PPP1R1C: variants seen among roughly 807,000 people sequenced by gnomAD.
PPP1R1C encodes the protein protein phosphatase 1 regulatory inhibitor subunit 1C, also known as protein phosphatase 1 regulatory subunit 1C.
PPP1R1C carries 15 observed loss-of-function variants against 17.4 expected under a neutral mutation model. The ratio of observed to expected loss-of-function variants is 0.86; its 90% CI spans 0.58 to 1.33. The LOEUF (loss-of-function observed/expected upper bound fraction) is 1.33. PPP1R1C is among the 40% of genes most tolerant of loss of function. The pLI, the probability that PPP1R1C is intolerant of heterozygous loss-of-function variation, is 0.00. For missense variants in PPP1R1C, 143 were observed against 130.0 expected, an observed-to-expected ratio of 1.10 and a Z score of -0.48; for synonymous variants, 35 against 43.1, an observed-to-expected ratio of 0.81 and a Z score of 0.73.
chr2:182,023,818 G>A (rs901924691), intron 2 of PPP1R1C: 7 of 151,164 alleles, frequency 4.6e-5, no homozygotes, highest in African/African-American at 1.5e-4. Flanking sequence ...ATTTTTTTTT[G>A]TAGAAACCAG....
At chr2:182,056,692 T>C (rs1361249562) in intron 2 of PPP1R1C, among the ~76,000 whole-genome samples, 1 of 152,186 alleles carries the variant, frequency 6.6e-6, no homozygotes, top group Non-Finnish European at 1.5e-5. Context: ...ATATCCAGAA[T>C]AAATCATTCC....
At chr2:181,981,494 C>T (rs1685193790), upstream of PPP1R1C, among the ~76,000 whole-genome samples, 1 of 152,042 alleles carries the variant, frequency 6.6e-6, no homozygotes. Flanking sequence ...TAATAATTTC[C>T]ATGGGGGAAA....
intron 3 of PPP1R1C, among the ~76,000 whole-genome samples, 161 bp downstream of exon 3, chr2:182,061,640 G>A (rs1437156178): frequency 2.0e-5 from 3 of 152,014 alleles, no homozygotes; most frequent in Non-Finnish European, 2.9e-5. Flanking sequence ...TAAAATCTCT[G>A]CCTCTCAGTT....
In PPP1R1C at chr2:182,066,952, C is replaced by CTG. The variant is rs373990169; in HGVS notation, c.241+3175_241+3176dup. 6.5e-3 allele frequency among the ~76,000 whole-genome samples: 964 copies of CTG among 148,150 alleles called. 8 individuals carry two copies. The highest frequency in any genetic ancestry group is 0.036 in the South Asian group (169 of 4,682). The stretch of plus-strand genomic sequence containing the variant: ...TTCTATCCCAATTTTGTGTGTGTGT[C>CTG]TGTGTGTGTGTGTGTTTGTGTGTGT... On this transcript the variant is annotated intron_variant, in intron 4 of 4. Transcript: ENST00000682840.
chr2:182,051,876 C>T (rs573706070), intron 2 of PPP1R1C, among the ~76,000 whole-genome samples: 1 of 152,184 alleles, frequency 6.6e-6, no homozygotes, highest in African/African-American at 2.4e-5. Flanking sequence ...TGGTGCGCAT[C>T]TGCAATCCCA....
chr2:182,012,409 T>A (rs1029008006), intron 2 of PPP1R1C, among the ~76,000 whole-genome samples: 1 of 152,050 alleles, frequency 6.6e-6, no homozygotes, highest in Non-Finnish European at 1.5e-5. Context: ...TTTTGCCTGA[T>A]ATAAGTACAG....
Position 181,962,387 on chromosome 2 carries a change from C to A in PPP1R1C, n.111+7753C>A, listed in dbSNP as rs1306155857. ...GGCGCCTGCATAGACGCTGGCCATG[C>A]AGCTGGCCGGCCGGGCGCCGTAGTT... is the stretch of plus-strand genomic sequence containing the variant. On this transcript the variant is annotated intron_variant and non_coding_transcript_variant, in intron 1 of 5. Transcript: ENST00000464264. The surrounding 1 kb of genome is among the most constrained non-coding windows in gnomAD (Gnocchi z 6.0). 15 of 808,186 alleles carry A rather than the reference C, an allele frequency of 1.9e-5. No homozygotes were observed. The East Asian group carries it at 3.5e-4, about 19-fold the overall frequency. The allele number at this position is 808,186 out of a possible 1,614,324, so 50.1% of individuals were successfully genotyped here.
chr2:182,060,619 G>A (rs552853502), intron 2 of PPP1R1C, among the ~76,000 whole-genome samples: 3 of 151,602 alleles, frequency 2.0e-5, no homozygotes, highest in South Asian at 4.2e-4. Context: ...CACTTATATA[G>A]CATGTATTTT....
chr2:182,094,996 G>T (rs1358233631), intron 4 of PPP1R1C, among the ~76,000 whole-genome samples: 1 of 152,190 alleles, frequency 6.6e-6, no homozygotes, highest in Non-Finnish European at 1.5e-5. Flanking sequence ...CCCCATTTAA[G>T]AAGTGGCATG....
chr2:182,123,471 A>C (rs1689787945), intron 5 of PPP1R1C, among the ~76,000 whole-genome samples: 2 of 152,318 alleles, frequency 1.3e-5, no homozygotes, highest in South Asian at 4.1e-4. Context: ...TCCCACCAAC[A>C]ATGTAAAAGT....
chr2:182,002,930 T>C (rs36013128), intron 2 of PPP1R1C, among the ~76,000 whole-genome samples: 36,190 of 73,002 alleles, frequency 0.5, 7,175 homozygotes, highest in Non-Finnish European at 0.57. Flanking sequence ...GCCATAAACC[T>C]CCCCCCCCCC....
rs1053815793 is a variant in PPP1R1C at position 181,976,532 on chromosome 2, G to A, written n.157+1268G>A. Among the ~76,000 whole-genome samples, 1 of 151,892 alleles carries A rather than the reference G, an allele frequency of 6.6e-6. No homozygotes were observed. Among genetic ancestry groups the A allele is most frequent in the African/African-American group, 2.4e-5 (1 of 41,362 alleles). On this transcript the variant is annotated intron_variant and non_coding_transcript_variant, in intron 2 of 5. Coordinates refer to the PPP1R1C transcript ENST00000464264. This position sits in a 1 kb window ranked among gnomAD's most constrained non-coding sequence, Gnocchi z 4.8. ...ATCATACCTATAATCTCCTACAAAG[G>A]CTACTGGCCTACTGTTCAGGAATCC...
intron 4 of PPP1R1C, among the ~76,000 whole-genome samples, chr2:182,111,954 A>G (rs981609522): frequency 2.0e-5 from 3 of 152,126 alleles, no homozygotes; most frequent in Non-Finnish European, 2.9e-5. Flanking sequence ...GCTGTTTCCC[A>G]TAATCTAATG....
intron 4 of PPP1R1C, among the ~76,000 whole-genome samples, chr2:182,067,853 A>T (rs569453927): frequency 1.6e-4 from 25 of 152,124 alleles, no homozygotes; most frequent in African/African-American, 5.6e-4. Flanking sequence ...AACAGAGTTT[A>T]TTAGTTTCGG....
intron 2 of PPP1R1C, among the ~76,000 whole-genome samples, chr2:182,003,566 A>T (rs1219720835): frequency 6.6e-6 from 1 of 152,142 alleles, no homozygotes; most frequent in Non-Finnish European, 1.5e-5. Context: ...TAAGTAGAGT[A>T]CAGTTAGGTA....
chr2:181,983,622 A>C (rs575738755), upstream of PPP1R1C, among the ~76,000 whole-genome samples: 1 of 152,328 alleles, frequency 6.6e-6, no homozygotes, highest in Admixed American at 6.5e-5. Flanking sequence ...ATACCTTTTA[A>C]CACAATCTCT....
intron 2 of PPP1R1C, among the ~76,000 whole-genome samples, chr2:182,039,451 C>T (rs1243199882): frequency 6.6e-6 from 1 of 152,160 alleles, no homozygotes; most frequent in African/African-American, 2.4e-5. Flanking sequence ...GTGGTATGAT[C>T]ATGGCTCACT....
chr2:182,046,245 AT>A (rs1687344227), intron 2 of PPP1R1C, among the ~76,000 whole-genome samples: 1 of 151,992 alleles, frequency 6.6e-6, no homozygotes, highest in African/African-American at 2.4e-5. Flanking sequence ...CCTGTTGTAC[AT>A]TAGTTCTCTA....
In PPP1R1C at chr2:181,957,219, G is replaced by T. The variant is rs1038978448; in HGVS notation, n.111+2585G>T. Reference sequence around the variant, plus strand: ...TACCAAAAATACAAAAATTAGCCAGGCATGGTAGTGCACCCCTGTAATCCC... The same window carrying T: ...TACCAAAAATACAAAAATTAGCCAGTCATGGTAGTGCACCCCTGTAATCCC... On this transcript the variant is annotated intron_variant and non_coding_transcript_variant, in intron 1 of 5. Transcript: ENST00000464264. This position sits in a 1 kb window ranked among gnomAD's most constrained non-coding sequence, Gnocchi z 4.2. Among the ~76,000 whole-genome samples, 2 of 152,152 alleles carry T rather than the reference G, an allele frequency of 1.3e-5. No homozygotes were observed. Among genetic ancestry groups the T allele is most frequent in the Non-Finnish European group, 2.9e-5 (2 of 68,024 alleles).
Sources: gnomAD v4.1 joint callset for allele counts (sites outside exome capture counted in the v4.1 genomes callset) on GRCh38, gnomAD v4.1.1 for gene constraint, Gnocchi (gnomAD v3.1) non-coding constraint, MANE v1.5 for transcripts, NCBI Gene and HGNC (gene_info 2026-07-23, HGNC 2026-07-21) for gene names.